The following DEPDC5 variants were observed in gnomAD, a reference collection of about 807,000 sequenced individuals.
DEPDC5 encodes GATOR1 complex protein DEPDC5.
Under a neutral mutation model 217.3 loss-of-function variants are expected in DEPDC5, and 73 were observed. The ratio of observed to expected loss-of-function variants is 0.34; its 90% CI spans 0.28 to 0.41. The LOEUF (loss-of-function observed/expected upper bound fraction) is 0.41, where lower values mean the gene tolerates loss of function less well. DEPDC5 is among the 10% of genes least tolerant of loss of function. DEPDC5 has a pLI of 1.00. For missense variants in DEPDC5, 1,675 were observed against 2,070.1 expected, an observed-to-expected ratio of 0.81 and a Z score of 3.70; for synonymous variants, 733 against 756.7, an observed-to-expected ratio of 0.97 and a Z score of 0.51.
intron 33 of DEPDC5, among the ~76,000 whole-genome samples, chr22:31,868,037 G>A (rs2092735432): frequency 6.6e-6 from 1 of 152,152 alleles, no homozygotes; most frequent in Admixed American, 6.5e-5. Context: ...AAACCTTACT[G>A]GTTAGAGGCA....
chr22:31,896,396 A>G (rs1345749820), intron 39 of DEPDC5, among the ~76,000 whole-genome samples: 1 of 152,214 alleles, frequency 6.6e-6, no homozygotes, highest in Non-Finnish European at 1.5e-5. Flanking sequence ...GAGAGAAAAG[A>G]TAAGGGTGGT....
intron 4 of DEPDC5, among the ~76,000 whole-genome samples, chr22:31,762,927 G>A (rs1006149152): frequency 6.6e-6 from 1 of 151,982 alleles, no homozygotes; most frequent in African/African-American, 2.4e-5. Flanking sequence ...TGATTCTCCT[G>A]CCTCAGCCTC....
chr22:31,822,644 G>A, intron 23 of DEPDC5, 49 bp from the exon 24 acceptor site: 1 of 1,582,110 alleles, frequency 6.3e-7, no homozygotes, highest in Non-Finnish European at 8.7e-7. Flanking sequence ...GCAGGAAAAA[G>A]AGGTGATGAT....
intron 1 of DEPDC5, among the ~76,000 whole-genome samples, chr22:31,754,613 TG>T (rs1246551321): frequency 3.3e-5 from 5 of 152,240 alleles, no homozygotes; most frequent in African/African-American, 1.2e-4. Flanking sequence ...GCTTCCCCTA[TG>T]GGGGTGTGAT....
chr22:31,859,080 T>TG (rs2092412828), intron 32 of DEPDC5: 3 of 43,720 alleles, frequency 6.9e-5, no homozygotes, highest in Admixed American at 1.8e-4. Context: ...CATTCCTTTG[T>TG]TTTTTTTTTT....
intron 34 of DEPDC5, 108 bp downstream of exon 34, chr22:31,870,852 C>G (rs1305804601): frequency 7.7e-7 from 1 of 1,291,072 alleles, no homozygotes; most frequent in African/African-American, 1.5e-5. Context: ...CTGACTCTGC[C>G]ACAAGTCACA....
chr22:31,810,933 G>A (rs893107155), intron 20 of DEPDC5, among the ~76,000 whole-genome samples: 6 of 151,786 alleles, frequency 4.0e-5, no homozygotes, highest in African/African-American at 1.5e-4. Flanking sequence ...GCGCCATCAC[G>A]CCTGGCTAAT....
At position 31,876,205 on chromosome 22, in the gene DEPDC5, C is replaced by T. The variant is rs147817091; in HGVS notation, c.3745C>T (p.Arg1249Trp). Residue 1249 changes from arginine (R) to tryptophan (W), a missense_variant, in exon 37 of 43, where the codon CGG (arginine) becomes TGG (tryptophan). Physicochemically the swap from Arg to Trp is moderately radical, Grantham distance 101. Coordinates refer to ENST00000651528, the MANE Select transcript of DEPDC5 (RefSeq NM_001242896.3). ...LITHASGEAW[R>W]TFIYGFYFYK... ...CACACATGCATCTGGCGAAGCCTGGCGGACCTTCATCTACGGCTTCTATTT... is the reference window on the plus strand; with the variant it reads ...CACACATGCATCTGGCGAAGCCTGGTGGACCTTCATCTACGGCTTCTATTT... 52 of 1,614,096 alleles carry T rather than the reference C, an allele frequency of 3.2e-5. No homozygotes were observed. The South Asian group carries it at 4.0e-4, about 12-fold the overall frequency.
intron 31 of DEPDC5, among the ~76,000 whole-genome samples, chr22:31,851,755 A>G (rs1272480740): frequency 1.3e-5 from 2 of 152,320 alleles, no homozygotes; most frequent in Admixed American, 1.3e-4. Flanking sequence ...ACCTGCACAC[A>G]TTAGGCTTTC....
At chr22:31,878,547 GA>G (rs113310189) in intron 37 of DEPDC5, among the ~76,000 whole-genome samples, 485 of 134,078 alleles carry the variant, frequency 3.6e-3, no homozygotes, top group Middle Eastern at 7.5e-3. Flanking sequence ...ATCTCTACAG[GA>G]AAAAAAAAAA....
At position 31,798,673 on chromosome 22, in the gene DEPDC5, G is replaced by A. The variant is rs755845347; in HGVS notation, c.946+17G>A. On this transcript the variant is annotated intron_variant, in intron 14 of 42. Coordinates refer to ENST00000651528, the MANE Select transcript of DEPDC5 (RefSeq NM_001242896.3). ...CATTCAATGGTGAGTAAGGATGCCG[G>A]CCATGAGCCAGCATCTTGCCTACCA... The A allele has an allele frequency of 1.6e-5, 26 of 1,607,100 alleles. No individual in the cohort carries two copies. In the East Asian group the frequency reaches 4.7e-4, roughly 29 times the overall value.
intron 27 of DEPDC5, among the ~76,000 whole-genome samples, chr22:31,842,575 CAAAAAAA>C (rs56671305): frequency 1.4e-5 from 1 of 73,508 alleles, no homozygotes; most frequent in Non-Finnish European, 2.8e-5. Context: ...AACTCCATCT[CAAAAAAA>C]AAAAAAAAAA....
chr22:31,838,870 A>G (rs927174251), intron 27 of DEPDC5, 25 bp downstream of exon 27: 4 of 1,602,872 alleles, frequency 2.5e-6, no homozygotes, highest in African/African-American at 1.3e-5. Flanking sequence ...TTGGATTTCT[A>G]TTTTTTTCTC....
At chr22:31,900,746 A>G (rs1036464756) in intron 40 of DEPDC5, among the ~76,000 whole-genome samples, 4 of 148,696 alleles carry the variant, frequency 2.7e-5, no homozygotes, top group African/African-American at 9.9e-5. Context: ...TCTCAAAAAG[A>G]AAAAAAAAAG....
At chr22:31,888,558 TTG>T (rs1405810616) in intron 38 of DEPDC5, among the ~76,000 whole-genome samples, 1 of 151,372 alleles carries the variant, frequency 6.6e-6, no homozygotes, top group African/African-American at 2.4e-5. Flanking sequence ...GGCTCTTTGT[TTG>T]TGTTTTTGAC....
intron 37 of DEPDC5, among the ~76,000 whole-genome samples, chr22:31,877,760 A>C (rs1481282425): frequency 3.3e-5 from 5 of 150,592 alleles, no homozygotes; most frequent in East Asian, 1.9e-4. Flanking sequence ...AAAAAAAAAA[A>C]AAAAAAAAAA....
chr22:31,849,221 T>C (rs2091900992), intron 31 of DEPDC5, among the ~76,000 whole-genome samples: 1 of 152,176 alleles, frequency 6.6e-6, no homozygotes, highest in Non-Finnish European at 1.5e-5. Context: ...CAAAGTCGCT[T>C]CCACATTTTC....
intron 25 of DEPDC5, among the ~76,000 whole-genome samples, chr22:31,836,553 C>T (rs1426749787): frequency 6.6e-6 from 1 of 152,190 alleles, no homozygotes. Context: ...TGCTCCCAAA[C>T]GAGGCTGAGC....
chr22:31,820,671 A>G (rs1409444590), intron 22 of DEPDC5, among the ~76,000 whole-genome samples: 1 of 150,858 alleles, frequency 6.6e-6, no homozygotes, highest in African/African-American at 2.4e-5. Flanking sequence ...GTCACTTAGA[A>G]CTCTTGGTGT....
Sources: allele counts gnomAD v4.1 joint callset (sites outside exome capture counted in the v4.1 genomes callset), GRCh38; gene constraint gnomAD v4.1.1; transcripts MANE v1.5; gene names NCBI Gene and HGNC (gene_info 2026-07-23, HGNC 2026-07-21).